The following DCAF8 variants were observed in gnomAD, a reference collection of about 807,000 sequenced individuals.
DCAF8 encodes the protein DDB1- and CUL4-associated factor 8.
Under a neutral mutation model 68.0 loss-of-function variants are expected in DCAF8, and 20 were observed. That is an observed-to-expected ratio of 0.29 (90% confidence interval 0.21 to 0.43). The LOEUF (loss-of-function observed/expected upper bound fraction) is 0.43. Among genes scored for constraint, DCAF8 ranks in the 20% least tolerant of loss-of-function variants. The pLI is 1.00. For missense variants in DCAF8, 460 were observed against 771.0 expected (o/e 0.60, Z 4.78); for synonymous variants, 230 against 276.9 (o/e 0.83, Z 1.68).
At chr1:160,237,271 G>A in intron 5 of DCAF8, 42 bp from the exon 6 acceptor site, 1 of 1,369,746 alleles carries the variant, frequency 7.3e-7, no homozygotes, top group Non-Finnish European at 1.0e-6. Flanking sequence ...CTAAATATTA[G>A]AATTAGAGGT....
At chr1:160,259,933 G>A (rs1657008583) in intron 2 of DCAF8, among the ~76,000 whole-genome samples, 2 of 152,284 alleles carry the variant, frequency 1.3e-5, no homozygotes, top group African/African-American at 4.8e-5. Flanking sequence ...ATGTTCAGAA[G>A]ACAACTCTAG....
chr1:160,257,066 C>A (rs115398327), intron 2 of DCAF8, among the ~76,000 whole-genome samples: 2,581 of 152,274 alleles, frequency 0.017, 73 homozygotes, highest in African/African-American at 0.059. Context: ...AATGATGTTT[C>A]TTGGCTACAT....
chr1:160,230,490 C>T (rs191293967), intron 7 of DCAF8, among the ~76,000 whole-genome samples: 20 of 152,158 alleles, frequency 1.3e-4, no homozygotes, highest in Admixed American at 2.6e-4. Flanking sequence ...CCAGTGTTAA[C>T]AAAAGGTGTT....
chr1:160,235,303 T>A (rs968285292), intron 6 of DCAF8, among the ~76,000 whole-genome samples: 1 of 151,804 alleles, frequency 6.6e-6, no homozygotes, highest in African/African-American at 2.4e-5. Flanking sequence ...ACGGCTAATT[T>A]TTGTATTTTC....
chr1:160,249,673 A>G (rs2101758927), intron 2 of DCAF8, among the ~76,000 whole-genome samples: 1 of 152,362 alleles, frequency 6.6e-6, no homozygotes, highest in East Asian at 1.9e-4. Flanking sequence ...GTATGTCCAC[A>G]AAATTAAAAA....
At chr1:160,247,668 C>T (rs1414706885) in intron 2 of DCAF8, among the ~76,000 whole-genome samples, 1 of 152,162 alleles carries the variant, frequency 6.6e-6, no homozygotes, top group Non-Finnish European at 1.5e-5. Flanking sequence ...CAAAATGCTC[C>T]AACGAGTATT....
intron 2 of DCAF8, among the ~76,000 whole-genome samples, chr1:160,245,846 C>A (rs568921894): frequency 1.3e-5 from 2 of 152,206 alleles, no homozygotes; most frequent in Admixed American, 6.5e-5. Context: ...ATATTAATTC[C>A]TATCAAGTGG....
At chr1:160,224,406 G>A in intron 10 of DCAF8, 36 bp downstream of exon 10, 1 of 1,535,718 alleles carries the variant, frequency 6.5e-7, no homozygotes, top group Non-Finnish European at 9.0e-7. Context: ...AAAGCCAACA[G>A]GCTTGGGCCA....
chr1:160,240,991 C>T (rs1656094496), intron 3 of DCAF8, among the ~76,000 whole-genome samples: 3 of 151,998 alleles, frequency 2.0e-5, no homozygotes, highest in South Asian at 4.2e-4. Flanking sequence ...GGTGAAACCC[C>T]GTCTCTACTA....
At chr1:160,234,683 C>T (rs750893488) in intron 6 of DCAF8, among the ~76,000 whole-genome samples, 18 of 152,144 alleles carry the variant, frequency 1.2e-4, no homozygotes, top group Non-Finnish European at 2.2e-4. Flanking sequence ...TTGCTCTTCC[C>T]TATGAAAAAC....
chr1:160,247,001 T>C (rs1390237807), intron 2 of DCAF8, among the ~76,000 whole-genome samples: 1 of 152,218 alleles, frequency 6.6e-6, no homozygotes, highest in African/African-American at 2.4e-5. Context: ...TACCAAAGAA[T>C]ACAGTCTTAA....
chr1:160,256,902 TA>T (rs147368853), intron 2 of DCAF8, among the ~76,000 whole-genome samples: 1 of 151,300 alleles, frequency 6.6e-6, no homozygotes, highest in Non-Finnish European at 1.5e-5. Context: ...GAGGTAGAGA[TA>T]AAAAAAAACT....
At chr1:160,246,878 G>C (rs934688470) in intron 2 of DCAF8, among the ~76,000 whole-genome samples, 1 of 152,166 alleles carries the variant, frequency 6.6e-6, no homozygotes, top group Non-Finnish European at 1.5e-5. Context: ...AGGATCACAT[G>C]AGCCATAGAA....
At chr1:160,244,246 G>A (rs1026445776) in intron 2 of DCAF8, among the ~76,000 whole-genome samples, 4 of 152,074 alleles carry the variant, frequency 2.6e-5, no homozygotes, top group African/African-American at 9.7e-5. Context: ...ATATATTTTT[G>A]GGGAGGTCAA....
chr1:160,255,149 C>T (rs1290779828), intron 2 of DCAF8, among the ~76,000 whole-genome samples: 2 of 152,164 alleles, frequency 1.3e-5, no homozygotes, highest in African/African-American at 2.4e-5. Flanking sequence ...TCTGCTTACC[C>T]TTTCTGGCGT....
chr1:160,233,650 A>G (rs895156437), intron 6 of DCAF8, among the ~76,000 whole-genome samples: 8 of 152,192 alleles, frequency 5.3e-5, no homozygotes, highest in African/African-American at 1.9e-4. Flanking sequence ...GAAATTTCAG[A>G]AGGACAAGGT....
intron 11 of DCAF8, chr1:160,220,890 A>G (rs2101714789): frequency 6.6e-6 from 1 of 152,328 alleles, no homozygotes; most frequent in Admixed American, 6.5e-5. Context: ...CCACTGCTGG[A>G]AAATTAGGAC....
intron 2 of DCAF8, among the ~76,000 whole-genome samples, chr1:160,252,271 ATC>A (rs1266784924): frequency 6.6e-6 from 1 of 151,634 alleles, no homozygotes; most frequent in Non-Finnish European, 1.5e-5. Flanking sequence ...AGATAAAAGT[ATC>A]TATCATTTTT....
intron 2 of DCAF8, among the ~76,000 whole-genome samples, chr1:160,254,635 T>C (rs1656754157): frequency 2.6e-5 from 4 of 151,712 alleles, no homozygotes; most frequent in Middle Eastern, 3.2e-3. Flanking sequence ...CTACTAAAAA[T>C]ACAAAAATTA....
Sources: allele counts gnomAD v4.1 joint callset (sites outside exome capture counted in the v4.1 genomes callset), GRCh38; gene constraint gnomAD v4.1.1; transcripts MANE v1.5; gene names NCBI Gene and HGNC (gene_info 2026-07-23, HGNC 2026-07-21).